Variants in LARS2 observed in about 807,000 individuals in gnomAD.
LARS2 encodes leucyl-tRNA synthetase 2, mitochondrial.
A neutral mutation model predicts 116.6 loss-of-function variants in LARS2; 81 were observed. That is an observed-to-expected ratio of 0.69 (90% confidence interval 0.58 to 0.84). The LOEUF (loss-of-function observed/expected upper bound fraction) is 0.84, where lower values mean the gene tolerates loss of function less well. Ranked by LOEUF, LARS2 falls within the 40% of genes least tolerant of loss-of-function variation. The pLI is 0.00. For missense variants in LARS2, 968 were observed against 1,114.5 expected (o/e 0.87, Z 1.87); for synonymous variants, 396 against 407.2 (o/e 0.97, Z 0.33).
At chr3:45,448,327 G>A (rs1252621884) in intron 7 of LARS2, among the ~76,000 whole-genome samples, 1 of 152,194 alleles carries the variant, frequency 6.6e-6, no homozygotes, top group African/African-American at 2.4e-5. Context: ...AGCTCTGGCT[G>A]GTAGGGCCTG....
At chr3:45,497,433 T>C (rs1403580616) in intron 14 of LARS2, among the ~76,000 whole-genome samples, 1 of 152,142 alleles carries the variant, frequency 6.6e-6, no homozygotes, top group Admixed American at 6.5e-5. Flanking sequence ...CCTTGCCTAA[T>C]TGCTCTTGTC....
chr3:45,406,557 G>C (rs1273729852), intron 4 of LARS2, among the ~76,000 whole-genome samples: 2 of 152,154 alleles, frequency 1.3e-5, no homozygotes, highest in Non-Finnish European at 2.9e-5. Context: ...ATGTAGAGGG[G>C]CAGGTGGTTT....
rs541108088 is a variant in LARS2, at chr3:45,427,711, C to T, written c.516+7982C>T. ...TTGAGAAATAAAACATCTCCTGCACCCAGAGGCTTGGCTCAACATGTGTCC... is the reference window on the plus strand; with the variant it reads ...TTGAGAAATAAAACATCTCCTGCACTCAGAGGCTTGGCTCAACATGTGTCC... On this transcript the variant is annotated intron_variant, in intron 6 of 21. Transcript: ENST00000645846. Among the ~76,000 whole-genome samples the T allele has an allele frequency of 3.7e-4, 57 of 152,234 alleles. No homozygotes were observed. The South Asian group carries it at 0.012, about 32-fold the overall frequency.
chr3:45,456,884 G>A (rs564383504), intron 7 of LARS2, among the ~76,000 whole-genome samples: 2 of 152,150 alleles, frequency 1.3e-5, no homozygotes, highest in Non-Finnish European at 2.9e-5. Flanking sequence ...AGATAGGTTA[G>A]CCTCCCCTCA....
intron 13 of LARS2, among the ~76,000 whole-genome samples, chr3:45,494,028 G>C (rs1699968377): frequency 6.6e-6 from 1 of 152,138 alleles, no homozygotes; most frequent in Non-Finnish European, 1.5e-5. Flanking sequence ...AAAAGACCTG[G>C]CTTCAATTTA....
intron 7 of LARS2, among the ~76,000 whole-genome samples, chr3:45,449,869 G>T (rs1276317586): frequency 6.6e-6 from 1 of 152,158 alleles, no homozygotes; most frequent in Non-Finnish European, 1.5e-5. Flanking sequence ...ATTACTAAAC[G>T]TAGCTGGAGT....
chr3:45,401,228 C>G (rs1477098977), intron 4 of LARS2, among the ~76,000 whole-genome samples: 3 of 152,152 alleles, frequency 2.0e-5, no homozygotes, highest in Non-Finnish European at 4.4e-5. Flanking sequence ...CTGGTCTGGG[C>G]ACCTGGCTCA....
intron 6 of LARS2, among the ~76,000 whole-genome samples, chr3:45,438,975 G>C (rs1319414753): frequency 6.6e-6 from 1 of 152,100 alleles, no homozygotes; most frequent in Admixed American, 6.5e-5. Context: ...GGCTAATTCA[G>C]ACTCAAAGTC....
At chr3:45,546,675 T>C (rs1700879890) in intron 21 of LARS2, among the ~76,000 whole-genome samples, 2 of 152,134 alleles carry the variant, frequency 1.3e-5, no homozygotes, top group South Asian at 4.1e-4. Flanking sequence ...TTTGGAAGCA[T>C]GACTTCAGAA....
intron 13 of LARS2, among the ~76,000 whole-genome samples, chr3:45,493,828 C>T (rs1392428253): frequency 6.6e-6 from 1 of 152,046 alleles, no homozygotes; most frequent in Non-Finnish European, 1.5e-5. Flanking sequence ...TCAAGTCCAA[C>T]AAGACCATTA....
chr3:45,547,362 A>G lies in LARS2; in HGVS notation c.2544A>G (p.Lys848=). Residue 848 remains lysine (K), a synonymous_variant, in exon 22 of 22, where the codon AAA becomes AAG. Transcript: ENST00000645846. ...TTTCTCCTTCTCAGATCAACAATAAAGCTTGTGGCAAAATTCCTGTGCCCC... is the reference window on the plus strand; with the variant it reads ...TTTCTCCTTCTCAGATCAACAATAAGGCTTGTGGCAAAATTCCTGTGCCCC... ...VVQMAVLINN[K]ACGKIPVPQQ... 1 of 1,609,290 alleles carries G rather than the reference A, an allele frequency of 6.2e-7. No individual in the cohort carries two copies. Among genetic ancestry groups the G allele is most frequent in the Non-Finnish European group, 8.5e-7 (1 of 1,178,390 alleles).
At chr3:45,462,630 G>A (rs554725733) in intron 8 of LARS2, among the ~76,000 whole-genome samples, 5 of 152,294 alleles carry the variant, frequency 3.3e-5, no homozygotes, top group Admixed American at 2.6e-4. Context: ...TTGAGCTGGA[G>A]GGGGGAAGAG....
At chr3:45,488,141 A>T (rs1474324630) in intron 11 of LARS2, among the ~76,000 whole-genome samples, 1 of 151,282 alleles carries the variant, frequency 6.6e-6, no homozygotes, top group Non-Finnish European at 1.5e-5. Flanking sequence ...TGTAACTATT[A>T]AAAAAAAATA....
intron 5 of LARS2, among the ~76,000 whole-genome samples, chr3:45,418,221 C>G (rs975658340): frequency 6.6e-6 from 1 of 152,184 alleles, no homozygotes; most frequent in African/African-American, 2.4e-5. Flanking sequence ...TTCACAAAGG[C>G]CTGGGACGCT....
rs748966353 is a variant in LARS2, at chr3:45,513,270, C to T, written c.1861+35C>T. 1.4e-5 allele frequency: 19 copies of T among 1,384,702 alleles called. No individual in the cohort carries two copies. The East Asian group carries it at 4.3e-4, about 32-fold the overall frequency. The allele number at this position is 1,384,702 out of a possible 1,614,324, so 85.8% of individuals were successfully genotyped here. On this transcript the variant is annotated intron_variant, in intron 16 of 21. Coordinates refer to ENST00000645846, the MANE Select transcript of LARS2 (RefSeq NM_015340.4). The stretch of plus-strand genomic sequence containing the variant: ...GCCCATCTGGTCCCATCCAGGTACT[C>T]CCAGAGAGCCAAGGCCAGGCCTGAG...
chr3:45,451,126 G>A (rs541679570), intron 7 of LARS2, among the ~76,000 whole-genome samples: 18 of 151,950 alleles, frequency 1.2e-4, no homozygotes, highest in East Asian at 3.9e-4. Flanking sequence ...AATAATTTGC[G>A]AATATTTTTT....
In LARS2 at chr3:45,496,380, C is replaced by T. The variant is rs770655297; in HGVS notation, c.1622+7C>T. The T allele has an allele frequency of 2.2e-5, 35 of 1,600,676 alleles. No individual in the cohort carries two copies. The highest frequency in any genetic ancestry group is 1.8e-4 in the Admixed American group (11 of 59,956). ...ACCCTCATAATCCACACAGGTAAAA[C>T]GTCCCTGCTGATGTCTTTGAGCATT... is the stretch of plus-strand genomic sequence containing the variant. On this transcript the variant is annotated splice_region_variant and intron_variant, in intron 14 of 21. Coordinates refer to ENST00000645846, the MANE Select transcript of LARS2 (RefSeq NM_015340.4).
intron 20 of LARS2, among the ~76,000 whole-genome samples, chr3:45,527,405 A>C (rs949530772): frequency 5.3e-5 from 8 of 152,136 alleles, no homozygotes; most frequent in African/African-American, 1.9e-4. Flanking sequence ...CAGGTGGATC[A>C]TGAGGTCAAG....
intron 10 of LARS2, among the ~76,000 whole-genome samples, chr3:45,479,149 G>T (rs2125721784): frequency 6.6e-6 from 1 of 152,170 alleles, no homozygotes; most frequent in South Asian, 2.1e-4. Context: ...CTACATATCG[G>T]CTCCTGATTT....
Sources: allele counts gnomAD v4.1 joint callset (sites outside exome capture counted in the v4.1 genomes callset), GRCh38; gene constraint gnomAD v4.1.1; transcripts MANE v1.5; gene names NCBI Gene and HGNC (gene_info 2026-07-23, HGNC 2026-07-21).